The following KLK4 variants were observed in gnomAD, a reference collection of about 807,000 sequenced individuals.
The protein encoded by KLK4 is kallikrein related peptidase 4, also known as kallikrein-4.
In KLK4, 24 loss-of-function variants were observed where a neutral mutation model predicts 24.3. That is an observed-to-expected ratio of 0.99 (90% CI 0.72 to 1.39). KLK4 has a LOEUF of 1.39. Among genes scored for constraint, KLK4 ranks in the 40% most tolerant of loss-of-function variants. The pLI is 0.00. For synonymous variants in KLK4, 142 were observed against 138.8 expected (o/e 1.02, Z -0.16); for missense variants, 344 against 327.4 (o/e 1.05, Z -0.39).
At chr19:50,907,185 G>A in intron 5 of KLK4, 99 bp from the exon 6 acceptor site, 2 of 1,237,846 alleles carry the variant, frequency 1.6e-6, no homozygotes, top group South Asian at 2.5e-5. Context: ...AACAAAGACA[G>A]AACCATCATC....
At chr19:50,908,066 A>G (rs1354461908) in intron 5 of KLK4, 5 of 490,640 alleles carry the variant, frequency 1.0e-5, no homozygotes, top group African/African-American at 1.9e-5. Context: ...TTATAAGAGG[A>G]TTTTCTGTTG....
chr19:50,907,752 C>T (rs942342224), intron 5 of KLK4, among the ~76,000 whole-genome samples: 3 of 152,146 alleles, frequency 2.0e-5, no homozygotes, highest in Non-Finnish European at 4.4e-5. Flanking sequence ...TGTTTCACCT[C>T]TATGAATCTG....
In KLK4 at chr19:50,910,699, AC is replaced by A; in HGVS notation, c.39del (p.Tyr14ThrfsTer19). 2 of 1,555,638 alleles carry A rather than the reference AC, an allele frequency of 1.3e-6. No individual in the cohort carries two copies. The highest frequency in any genetic ancestry group is 1.7e-6 in the Non-Finnish European group (2 of 1,148,840). On this transcript the variant is annotated frameshift_variant, in exon 2 of 6. Transcript: ENST00000324041. LOFTEE classifies it high-confidence loss of function. The surrounding 1 kb of genome is among the most constrained non-coding windows in gnomAD (Gnocchi z 4.4). ...ATACCTGCGACACCAAGGATGAGGT[AC>A]CCCAGGAACCAGCCCCAGGGATTTC...
rs1013467859 is a variant in KLK4, at chr19:50,910,775, C to A, written c.-11-26G>T. 6 of 1,537,488 alleles carry A rather than the reference C, an allele frequency of 3.9e-6. No homozygotes were observed. Among genetic ancestry groups the A allele is most frequent in the Middle Eastern group, 1.7e-4 (1 of 5,926 alleles). On this transcript the variant is annotated intron_variant, in intron 1 of 5. Transcript: ENST00000324041. This position sits in a 1 kb window ranked among gnomAD's most constrained non-coding sequence, Gnocchi z 4.4. ...CTGGGGATGAGGACTGAGACTTAGC[C>A]GTGTCTGGGGATCTTCAGCCCAAGT...
exon 3 of KLK4, chr19:50,909,400 C>T (rs748410202): frequency 1.2e-6 from 2 of 1,614,104 alleles, no homozygotes; most frequent in African/African-American, 1.3e-5. Flanking sequence ...CTGCAGCTAC[C>T]AGAGACGAGC....
rs2090476209 is a variant in KLK4 at position 50,910,257 on chromosome 19, C to T, written c.61+421G>A. Among the ~76,000 whole-genome samples the T allele has an allele frequency of 6.6e-6, 1 of 152,068 alleles. No individual in the cohort carries two copies. Among genetic ancestry groups the T allele is most frequent in the African/African-American group, 2.4e-5 (1 of 41,382 alleles). ...CCACAAGCCCATGCACACCAAAACA[C>T]CGTTTTATAGTCCTGTGAGGTGAGT... On this transcript the variant is annotated intron_variant, in intron 2 of 5. Transcript: ENST00000324041. This position sits in a 1 kb window ranked among gnomAD's most constrained non-coding sequence, Gnocchi z 4.4.
In KLK4 at chr19:50,908,356, C is replaced by T. The variant is rs1326023303; in HGVS notation, c.612+3G>A. The T allele has an allele frequency of 1.2e-6, 2 of 1,612,972 alleles. No individual in the cohort carries two copies. Among genetic ancestry groups the T allele is most frequent in the Admixed American group, 1.7e-5 (1 of 60,004 alleles). ...GCCTGCCCTCCCCTTTCCCCTCTCT[C>T]ACGTTGCAGGAGTCCTTCTGGTCTT... On this transcript the variant is annotated splice_donor_region_variant and intron_variant, in intron 5 of 5. Coordinates refer to ENST00000324041, the Ensembl canonical transcript of KLK4.
At position 50,910,766 on chromosome 19, in the gene KLK4, A is replaced by C; in HGVS notation, c.-11-17T>G. On this transcript the variant is annotated splice_polypyrimidine_tract_variant and intron_variant, in intron 1 of 5. Coordinates refer to ENST00000324041, the Ensembl canonical transcript of KLK4. This position sits in a 1 kb window ranked among gnomAD's most constrained non-coding sequence, Gnocchi z 4.4. ...CGTCAGCACCTGGGGATGAGGACTG[A>C]GACTTAGCCGTGTCTGGGGATCTTC... 4.5e-6 allele frequency: 7 copies of C among 1,548,270 alleles called. No individual in the cohort carries two copies. The highest frequency in any genetic ancestry group is 6.1e-6 in the Non-Finnish European group (7 of 1,143,780).
At chr19:50,909,969 G>A (rs2090473210) in intron 2 of KLK4, among the ~76,000 whole-genome samples, 1 of 152,086 alleles carries the variant, frequency 6.6e-6, no homozygotes, top group South Asian at 2.1e-4. Context: ...GGCTTCTGGG[G>A]CGGAGTCAGG....
Position 50,910,009 on chromosome 19 carries a change from G to A in KLK4, c.62-595C>T, listed in dbSNP as rs1269209983. 2.0e-5 allele frequency among the ~76,000 whole-genome samples: 3 copies of A among 152,102 alleles called. No homozygotes were observed. The highest frequency in any genetic ancestry group is 7.2e-5 in the African/African-American group (3 of 41,394). On this transcript the variant is annotated intron_variant, in intron 2 of 5. Coordinates refer to ENST00000324041, the Ensembl canonical transcript of KLK4. This position sits in a 1 kb window ranked among gnomAD's most constrained non-coding sequence, Gnocchi z 4.4. ...TGGGGTGAGCTCTGGAGGTGAGACT[G>A]GTGCCATCGCGGTGCAAAGCCACGG...
At chr19:50,907,371 C>A (rs996587720) in intron 5 of KLK4, among the ~76,000 whole-genome samples, 2 of 148,288 alleles carry the variant, frequency 1.3e-5, no homozygotes, top group Non-Finnish European at 3.0e-5. Context: ...GCTTGTTTAT[C>A]TGTCTCAGTG....
At chr19:50,909,550 C>G (rs1365043685) in intron 2 of KLK4, 136 bp from the exon 3 acceptor site, 3 of 946,706 alleles carry the variant, frequency 3.2e-6, no homozygotes, top group Admixed American at 1.9e-5. Context: ...GGGCTGGGAA[C>G]GGGCTCAGGA....
chr19:50,910,663 C>G lies in KLK4; in HGVS notation c.61+15G>C, dbSNP rs200110202. 6.4e-7 allele frequency: 1 copy of G among 1,552,666 alleles called. No homozygotes were observed. Among genetic ancestry groups the G allele is most frequent in the East Asian group, 2.4e-5 (1 of 41,184 alleles). Reference sequence around the variant, plus strand: ...CCCCAAGCACGGACAGACACACACACGCATACTCAGATACCTGCGACACCA... The same window carrying G: ...CCCCAAGCACGGACAGACACACACAGGCATACTCAGATACCTGCGACACCA... On this transcript the variant is annotated intron_variant, in intron 2 of 5. Transcript: ENST00000324041. The surrounding 1 kb of genome is among the most constrained non-coding windows in gnomAD (Gnocchi z 4.4).
chr19:50,909,514 A>T, intron 2 of KLK4, 100 bp from the exon 3 acceptor site: 1 of 1,265,616 alleles, frequency 7.9e-7, no homozygotes, highest in African/African-American at 1.5e-5. Flanking sequence ...GTTCAGGAGC[A>T]GTCAGGGCTC....
At chr19:50,906,507 G>T (rs1139132) in exon 6 of KLK4, 61,290 of 237,216 alleles carry the variant, frequency 0.26, 11,440 homozygotes, top group African/African-American at 0.44. Context: ...GAGGGGCTGG[G>T]ACCTGGACCT....
chr19:50,909,140 C>G (rs2090462947), intron 3 of KLK4, 112 bp downstream of exon 3: 1 of 1,590,990 alleles, frequency 6.3e-7, no homozygotes, highest in Non-Finnish European at 8.6e-7. Flanking sequence ...TCATTCCGTC[C>G]TCCTCCCAGA....
exon 4 of KLK4, chr19:50,908,791 G>C (rs1568514544): frequency 1.2e-6 from 2 of 1,613,556 alleles, no homozygotes; most frequent in Non-Finnish European, 1.7e-6. Context: ...CTCTTGGTCG[G>C]CCTCAAGACT....
chr19:50,908,809 C>T (rs1420395054), exon 4 of KLK4: 18 of 1,613,056 alleles, frequency 1.1e-5, no homozygotes, highest in Middle Eastern at 1.6e-4. Flanking sequence ...ACTGTGCAGG[C>T]CCAGCCCGAT....
exon 4 of KLK4, chr19:50,908,703 G>T: frequency 1.9e-6 from 3 of 1,614,186 alleles, no homozygotes; most frequent in Non-Finnish European, 2.5e-6. Flanking sequence ...TGATGAGCAT[G>T]AGGTCGTTAG....
Sources: gnomAD v4.1 joint callset for allele counts (sites outside exome capture counted in the v4.1 genomes callset) on GRCh38, gnomAD v4.1.1 for gene constraint, Gnocchi (gnomAD v3.1) non-coding constraint, MANE v1.5 for transcripts, NCBI Gene and HGNC (gene_info 2026-07-23, HGNC 2026-07-21) for gene names.